The following GALNT13 variants were observed in gnomAD, a reference collection of about 807,000 sequenced individuals.
GALNT13 encodes UDP-GalNAc:polypeptide N-acetylgalactosaminyltransferase 13.
Under a neutral mutation model 64.2 loss-of-function variants are expected in GALNT13, and 28 were observed. That is an observed-to-expected ratio of 0.44 (90% CI 0.32 to 0.60). The LOEUF (loss-of-function observed/expected upper bound fraction) is 0.60. Among genes scored for constraint, GALNT13 ranks in the 20% least tolerant of loss-of-function variants. GALNT13 has a pLI of 0.05. For missense variants in GALNT13, 577 were observed against 669.8 expected (o/e 0.86, Z 1.53); for synonymous variants, 214 against 224.6 (o/e 0.95, Z 0.42).
chr2:153,296,109 T>C, the GALNT13 span, among the ~76,000 whole-genome samples: 4 of 152,188 alleles, frequency 2.6e-5, no homozygotes. Flanking sequence ...CTAGCTATCT[T>C]GTTATCTCTG....
At chr2:154,147,761 T>C (rs1342789068) in intron 4 of GALNT13, among the ~76,000 whole-genome samples, 1 of 152,078 alleles carries the variant, frequency 6.6e-6, no homozygotes, top group Non-Finnish European at 1.5e-5. Context: ...ATTTTCACTT[T>C]CTAAATCTAC....
intron 10 of GALNT13, among the ~76,000 whole-genome samples, chr2:154,402,426 C>T (rs1288150049): frequency 2.0e-5 from 3 of 152,158 alleles, no homozygotes; most frequent in African/African-American, 4.8e-5. Context: ...AACATCAAAA[C>T]ACAAGGGGGA....
chr2:153,256,506 G>A, the GALNT13 span, among the ~76,000 whole-genome samples: 2 of 152,204 alleles, frequency 1.3e-5, no homozygotes, highest in Non-Finnish European at 2.9e-5. Flanking sequence ...TCCGTTGCTG[G>A]TGAGGAACTG....
At chr2:153,538,477 G>T in the GALNT13 span, among the ~76,000 whole-genome samples, 1 of 120,134 alleles carries the variant, frequency 8.3e-6, no homozygotes, top group Non-Finnish European at 1.7e-5. Context: ...TGCCATGCTG[G>T]TGCGCTGCAC....
chr2:153,124,975 G>T, the GALNT13 span, among the ~76,000 whole-genome samples: 1 of 152,102 alleles, frequency 6.6e-6, no homozygotes, highest in South Asian at 2.1e-4. Context: ...TGAAGCTATC[G>T]TTGTATTAAT....
At chr2:153,579,855 G>A in the GALNT13 span, among the ~76,000 whole-genome samples, 2 of 152,110 alleles carry the variant, frequency 1.3e-5, no homozygotes, top group Non-Finnish European at 2.9e-5. Context: ...ATGACCCGAG[G>A]TGGAATAGTT....
chr2:153,137,648 T>C, the GALNT13 span, among the ~76,000 whole-genome samples: 12 of 151,810 alleles, frequency 7.9e-5, no homozygotes, highest in Non-Finnish European at 5.9e-5. Flanking sequence ...AAAATTACTT[T>C]ATTCGATAAG....
chr2:154,376,967 G>T (rs1450233346), intron 9 of GALNT13, among the ~76,000 whole-genome samples: 2 of 152,054 alleles, frequency 1.3e-5, no homozygotes, highest in Non-Finnish European at 2.9e-5. Context: ...ATTCCTGTCA[G>T]GGTTACTGTA....
intron 9 of GALNT13, among the ~76,000 whole-genome samples, chr2:154,351,348 C>T (rs1429626859): frequency 6.6e-6 from 1 of 151,636 alleles, no homozygotes; most frequent in Non-Finnish European, 1.5e-5. Context: ...TGATGTTTGC[C>T]GTTGTGAGCT....
chr2:154,102,038 A>T (rs1333635892), intron 3 of GALNT13, among the ~76,000 whole-genome samples: 5 of 152,150 alleles, frequency 3.3e-5, no homozygotes, highest in African/African-American at 1.2e-4. Context: ...TTTAAAATTT[A>T]CCAAGACTTG....
At chr2:153,431,942 T>C in the GALNT13 span, among the ~76,000 whole-genome samples, 2 of 152,220 alleles carry the variant, frequency 1.3e-5, no homozygotes, top group Admixed American at 6.5e-5. Context: ...GCAGCTGTAA[T>C]AGCTCCTAGG....
At chr2:153,758,417 T>C in the GALNT13 span, among the ~76,000 whole-genome samples, 1 of 152,076 alleles carries the variant, frequency 6.6e-6, no homozygotes, top group Non-Finnish European at 1.5e-5. Context: ...TGAATTCAGA[T>C]AGTGTAATGC....
chr2:154,031,357 A>G (rs545542298), intron 3 of GALNT13, among the ~76,000 whole-genome samples: 286 of 152,150 alleles, frequency 1.9e-3, no homozygotes, highest in Non-Finnish European at 3.4e-3. Flanking sequence ...TAAACAACAT[A>G]TGGAACAAGT....
At chr2:154,194,975 T>G (rs1686801433) in intron 4 of GALNT13, among the ~76,000 whole-genome samples, 1 of 151,786 alleles carries the variant, frequency 6.6e-6, no homozygotes, top group Non-Finnish European at 1.5e-5. Context: ...ATCATCTAGG[T>G]TTTAAGCCCC....
At chr2:153,948,436 A>G (rs140434578) in intron 3 of GALNT13, among the ~76,000 whole-genome samples, 2 of 152,216 alleles carry the variant, frequency 1.3e-5, no homozygotes, top group Middle Eastern at 3.4e-3. Flanking sequence ...ATTGTGGAAG[A>G]CAATGTGGTG....
chr2:153,228,869 C>CAAAAAAAAAAAAAAAAAAAAAAAAA, the GALNT13 span, among the ~76,000 whole-genome samples: 1 of 68,630 alleles, frequency 1.5e-5, no homozygotes, highest in Admixed American at 1.8e-4. Context: ...GAGACTGTCT[C>CAAAAAAAAAAAAAAAAAAAAAAAAA]AAAAAAAAAA....
chr2:154,375,396 C>A (rs930710639), intron 9 of GALNT13, among the ~76,000 whole-genome samples: 4 of 152,136 alleles, frequency 2.6e-5, no homozygotes, highest in African/African-American at 9.7e-5. Context: ...TTCACTTTAG[C>A]ATCACCCTCC....
chr2:154,227,631 T>G (rs990035240), intron 4 of GALNT13, among the ~76,000 whole-genome samples: 1 of 151,712 alleles, frequency 6.6e-6, no homozygotes, highest in African/African-American at 2.4e-5. Context: ...GTTTCCAGTT[T>G]CATCCATGTC....
chr2:153,586,644 A>C, the GALNT13 span, among the ~76,000 whole-genome samples: 1 of 152,176 alleles, frequency 6.6e-6, no homozygotes, highest in East Asian at 1.9e-4. Context: ...AAATTAACCA[A>C]GAAGCATTAA....
Sources: gnomAD v4.1 joint callset for allele counts (sites outside exome capture counted in the v4.1 genomes callset) on GRCh38, gnomAD v4.1.1 for gene constraint, MANE v1.5 for transcripts, NCBI Gene and HGNC (gene_info 2026-07-23, HGNC 2026-07-21) for gene names.